The following ACSL1 variants were observed in gnomAD, a reference collection of about 807,000 sequenced individuals.
ACSL1 encodes long-chain-fatty-acid--CoA ligase 1.
ACSL1 carries 41 observed loss-of-function variants against 98.4 expected under a neutral mutation model. The ratio of observed to expected loss-of-function variants is 0.42; its 90% CI spans 0.32 to 0.54. ACSL1 has a LOEUF of 0.54. Among genes scored for constraint, ACSL1 ranks in the 20% least tolerant of loss-of-function variants. ACSL1 has a pLI of 0.13. For missense variants in ACSL1, 734 were observed against 883.1 expected (o/e 0.83, Z 2.14); for synonymous variants, 316 against 322.7 (o/e 0.98, Z 0.22).
chr4:184,775,728 T>C (rs1765194025), intron 7 of ACSL1, among the ~76,000 whole-genome samples: 1 of 152,156 alleles, frequency 6.6e-6, no homozygotes, highest in African/African-American at 2.4e-5. Context: ...AAACTACACA[T>C]AAAAATTTAA....
At chr4:184,822,519 G>C (rs776019841) in intron 1 of ACSL1, among the ~76,000 whole-genome samples, 1 of 152,114 alleles carries the variant, frequency 6.6e-6, no homozygotes, top group Non-Finnish European at 1.5e-5. Flanking sequence ...AGGGCAAATC[G>C]CTTGAGCCCA....
chr4:184,812,334 C>T (rs1772204779), intron 1 of ACSL1: 1 of 568,934 alleles, frequency 1.8e-6, no homozygotes, highest in African/African-American at 2.0e-5. Flanking sequence ...GTGTCAGACC[C>T]TCTGTGATTC....
intron 16 of ACSL1, 37 bp downstream of exon 16, chr4:184,763,130 T>C (rs764329774): frequency 2.0e-5 from 32 of 1,604,910 alleles, no homozygotes; most frequent in Non-Finnish European, 2.6e-5. Context: ...TCACAGGAAA[T>C]GGCAGCGAGG....
chr4:184,794,336 C>T (rs1038618832), intron 2 of ACSL1, among the ~76,000 whole-genome samples: 4 of 152,096 alleles, frequency 2.6e-5, no homozygotes, highest in African/African-American at 9.7e-5. Context: ...GCAACTCCCC[C>T]TCCACAATAA....
At position 184,756,053 on chromosome 4, in the gene ACSL1, A is replaced by G. The variant is rs1762094949; in HGVS notation, c.*1072T>C. On this transcript the variant is annotated 3_prime_UTR_variant, in exon 21 of 21. Transcript: ENST00000281455. Reference sequence around the variant, plus strand: ...TTTCATAGAAATCAGGTAGCATTATAAGAACATTTGCTTATTACTGTCCAT... The same window carrying G: ...TTTCATAGAAATCAGGTAGCATTATGAGAACATTTGCTTATTACTGTCCAT... The G allele has an allele frequency of 6.6e-6, 1 of 152,298 alleles. No individual in the cohort carries two copies. Among genetic ancestry groups the G allele is most frequent in the Non-Finnish European group, 1.5e-5 (1 of 68,040 alleles). The allele number at this position is 152,298 out of a possible 1,614,324, so 9.4% of individuals were successfully genotyped here.
intron 3 of ACSL1, among the ~76,000 whole-genome samples, chr4:184,787,898 T>C (rs1579907469): frequency 6.7e-6 from 1 of 149,610 alleles, no homozygotes; most frequent in African/African-American, 2.4e-5. Context: ...CTGGGCATGG[T>C]GGCTCACACC....
At chr4:184,795,450 T>C (rs1200764494) in intron 2 of ACSL1, among the ~76,000 whole-genome samples, 1 of 152,266 alleles carries the variant, frequency 6.6e-6, no homozygotes, top group East Asian at 1.9e-4. Flanking sequence ...TCATATTCCC[T>C]ACGTATCTGT....
intron 2 of ACSL1, among the ~76,000 whole-genome samples, chr4:184,800,777 C>T (rs1393364182): frequency 6.6e-6 from 1 of 152,236 alleles, no homozygotes; most frequent in Non-Finnish European, 1.5e-5. Context: ...CCTAACCCAG[C>T]TTGTCTGTCC....
chr4:184,774,246 C>T (rs900819966), intron 7 of ACSL1, among the ~76,000 whole-genome samples: 3 of 152,120 alleles, frequency 2.0e-5, no homozygotes, highest in African/African-American at 4.8e-5. Flanking sequence ...TTAACCATAA[C>T]GAGATACTGC....
intron 1 of ACSL1, among the ~76,000 whole-genome samples, chr4:184,810,849 G>A (rs1210583107): frequency 2.6e-5 from 4 of 152,152 alleles, no homozygotes; most frequent in South Asian, 2.1e-4. Context: ...ACGGGACTGC[G>A]CACAGGGCTA....
At position 184,805,607 on chromosome 4, in the gene ACSL1, G is replaced by C. The variant is rs1448264118; in HGVS notation, c.-32-2061C>G. ...AGGGCAATGAGCCTGGAAGTGGGCG[G>C]GGGTTAGCAGGGCTCAGCTGCGCTC... On this transcript the variant is annotated intron_variant, in intron 1 of 20. Coordinates refer to ENST00000281455, the MANE Select transcript of ACSL1 (RefSeq NM_001995.5). 4.0e-6 allele frequency: 3 copies of C among 752,248 alleles called. No homozygotes were observed. In the Admixed American group the frequency reaches 1.9e-4, roughly 47 times the overall value. The allele number at this position is 752,248 out of a possible 1,614,324, so 46.6% of individuals were successfully genotyped here.
At chr4:184,810,613 G>C (rs762712197) in intron 1 of ACSL1, among the ~76,000 whole-genome samples, 1 of 152,194 alleles carries the variant, frequency 6.6e-6, no homozygotes, top group Non-Finnish European at 1.5e-5. Context: ...CTGGGAAAAT[G>C]AGCTATCCTT....
At chr4:184,818,291 G>C (rs1772793791) in intron 1 of ACSL1, among the ~76,000 whole-genome samples, 1 of 152,178 alleles carries the variant, frequency 6.6e-6, no homozygotes, top group African/African-American at 2.4e-5. Context: ...GTAGAGTTAT[G>C]TAACATTAGC....
intron 5 of ACSL1, among the ~76,000 whole-genome samples, chr4:184,779,140 T>G (rs1391580171): frequency 6.6e-6 from 1 of 152,214 alleles, no homozygotes; most frequent in Non-Finnish European, 1.5e-5. Flanking sequence ...CTGATATGTT[T>G]TGGCTGTGTC....
rs147662951 is a variant in ACSL1, at chr4:184,757,226, C to A, written c.1996G>T (p.Asp666Tyr). Residue 666 changes from aspartate (D) to tyrosine (Y), a missense_variant, in exon 21 of 21, where the codon GAC becomes TAC. Transcript: ENST00000281455. The surrounding 1 kb of genome is among the most constrained non-coding windows in gnomAD (Gnocchi z 4.5). ...ITLHPELFSI[D>Y]NGLLTPTMKA... is the part of the protein sequence containing the mutation. ...ATTGTTGGAGTCAGAAGGCCATTGT[C>A]GATAGAAAATAATTCAGGGTGCAAT... 5.0e-6 allele frequency: 8 copies of A among 1,607,670 alleles called. No individual in the cohort carries two copies. The highest frequency in any genetic ancestry group is 6.8e-6 in the Non-Finnish European group (8 of 1,174,900).
rs369924535 is a variant in ACSL1, at chr4:184,762,397, G to A, written c.1638+10C>T. The A allele has an allele frequency of 2.6e-4, 411 of 1,605,498 alleles. No individual in the cohort carries two copies. The highest frequency in any genetic ancestry group is 3.1e-4 in the Non-Finnish European group (369 of 1,172,300). Reference sequence around the variant, plus strand: ...TGAACTGTTTGTGACCTGAGGAGGCGGCAACTTACTGGTAACCATTTTCCA... The same window carrying A: ...TGAACTGTTTGTGACCTGAGGAGGCAGCAACTTACTGGTAACCATTTTCCA... On this transcript the variant is annotated intron_variant, in intron 17 of 20. Coordinates refer to ENST00000281455, the MANE Select transcript of ACSL1 (RefSeq NM_001995.5).
rs942601001 is a variant in ACSL1 at position 184,766,172 on chromosome 4, C to A, written c.1264-186G>T. On this transcript the variant is annotated intron_variant, in intron 13 of 20. Coordinates refer to ENST00000281455, the MANE Select transcript of ACSL1 (RefSeq NM_001995.5). The surrounding 1 kb of genome is among the most constrained non-coding windows in gnomAD (Gnocchi z 4.8). ...GGCTACGGTTTGTTTCCACCCGTGA[C>A]TGCCCTGTTCCCTCCCAATGGGGAT... Among the ~76,000 whole-genome samples, 6 of 152,244 alleles carry A rather than the reference C, an allele frequency of 3.9e-5. No individual in the cohort carries two copies. Among genetic ancestry groups the A allele is most frequent in the African/African-American group, 1.4e-4 (6 of 41,466 alleles).
At chr4:184,815,160 T>G (rs10003568) in intron 1 of ACSL1, 9,266 of 454,608 alleles carry the variant, frequency 0.02, 707 homozygotes, top group African/African-American at 0.17. Context: ...GCACCAGGCA[T>G]CCGAGGGAGG....
intron 14 of ACSL1, among the ~76,000 whole-genome samples, 180 bp downstream of exon 14, chr4:184,765,711 A>G (rs1000192652): frequency 6.6e-6 from 1 of 152,228 alleles, no homozygotes; most frequent in Non-Finnish European, 1.5e-5. Context: ...TCATTTAGCC[A>G]TTCCACAATG....
Sources: gnomAD v4.1 joint callset for allele counts (sites outside exome capture counted in the v4.1 genomes callset) on GRCh38, gnomAD v4.1.1 for gene constraint, Gnocchi (gnomAD v3.1) non-coding constraint, MANE v1.5 for transcripts, NCBI Gene and HGNC (gene_info 2026-07-23, HGNC 2026-07-21) for gene names.